GRIN2B: variants seen among roughly 807,000 people sequenced by gnomAD.
GRIN2B encodes glutamate ionotropic receptor NMDA type subunit 2B.
A neutral mutation model predicts 114.5 loss-of-function variants in GRIN2B; 5 were observed. The ratio of observed to expected loss-of-function variants is 0.04; its 90% confidence interval spans 0.02 to 0.09. GRIN2B has a LOEUF of 0.09. Ranked by LOEUF, GRIN2B falls within the 10% of genes least tolerant of loss-of-function variation. The probability of loss-of-function intolerance (pLI) is 1.00; values close to 1 mark genes in which losing one functional copy is unlikely to be tolerated. For synonymous variants in GRIN2B, 787 were observed against 745.1 expected, an observed-to-expected ratio of 1.06 and a Z score of -0.92; for missense variants, 1,108 against 1,943.5, an observed-to-expected ratio of 0.57 and a Z score of 8.08.
intron 2 of GRIN2B, among the ~76,000 whole-genome samples, chr12:13,970,086 C>T (rs567537549): frequency 6.6e-5 from 10 of 152,314 alleles, no homozygotes; most frequent in African/African-American, 2.2e-4. Flanking sequence ...CTCCTGACCT[C>T]TTGATCCACC....
chr12:13,842,363 C>G (rs1865393109), intron 3 of GRIN2B, among the ~76,000 whole-genome samples: 1 of 152,176 alleles, frequency 6.6e-6, no homozygotes, highest in South Asian at 2.1e-4. Context: ...GAGATAAGCC[C>G]TTAAAATGTC....
At chr12:13,843,447 C>A (rs571982128) in intron 3 of GRIN2B, among the ~76,000 whole-genome samples, 1 of 152,070 alleles carries the variant, frequency 6.6e-6, no homozygotes, top group South Asian at 2.1e-4. Flanking sequence ...TTCCATGAGG[C>A]CAAATCAGAA....
At chr12:13,664,274 A>G (rs955323386) in intron 5 of GRIN2B, among the ~76,000 whole-genome samples, 3 of 152,120 alleles carry the variant, frequency 2.0e-5, no homozygotes. Context: ...AGGGAAAAGG[A>G]AGGGAAGGTG....
chr12:13,864,890 C>T (rs926151038), intron 3 of GRIN2B, among the ~76,000 whole-genome samples: 8 of 152,190 alleles, frequency 5.3e-5, no homozygotes, highest in Non-Finnish European at 1.2e-4. Context: ...AGGGGTGGGA[C>T]TCAGGCATCA....
At chr12:13,628,124 A>G (rs964347390) in intron 5 of GRIN2B, among the ~76,000 whole-genome samples, 2 of 152,232 alleles carry the variant, frequency 1.3e-5, no homozygotes, top group Admixed American at 6.5e-5. Context: ...CAGGCATGTC[A>G]TAATAATGTC....
chr12:13,817,291 C>G (rs1034977131), intron 3 of GRIN2B, among the ~76,000 whole-genome samples: 8 of 152,026 alleles, frequency 5.3e-5, no homozygotes, highest in African/African-American at 1.9e-4. Context: ...CAGAATCTGC[C>G]TCCACAGCAT....
chr12:13,932,173 C>T lies in GRIN2B; in HGVS notation c.-19+47755G>A, dbSNP rs146533205. Among the ~76,000 whole-genome samples the T allele has an allele frequency of 1.4e-4, 21 of 152,260 alleles. No homozygotes were observed. In the East Asian group the frequency reaches 2.7e-3, roughly 20 times the overall value. ...CATTCCAATCACATTGACTGTCTAG[C>T]TACTGCTCAAACATACCAAACTCGC... is the stretch of plus-strand genomic sequence containing the variant. On this transcript the variant is annotated intron_variant, in intron 2 of 13. Coordinates refer to ENST00000609686, the MANE Select transcript of GRIN2B (RefSeq NM_000834.5).
At chr12:13,803,585 T>TA (rs766987610) in intron 3 of GRIN2B, among the ~76,000 whole-genome samples, 19 of 152,160 alleles carry the variant, frequency 1.2e-4, no homozygotes, top group Non-Finnish European at 2.2e-4. Flanking sequence ...ACTATAATGT[T>TA]AAAAAAGAAG....
intron 2 of GRIN2B, among the ~76,000 whole-genome samples, chr12:13,875,807 T>C (rs945456540): frequency 2.0e-5 from 3 of 152,236 alleles, no homozygotes; most frequent in South Asian, 4.1e-4. Context: ...AGATAACTAC[T>C]GCCTTCACAG....
At chr12:13,587,690 A>G (rs1355064646) in intron 10 of GRIN2B, among the ~76,000 whole-genome samples, 1 of 152,172 alleles carries the variant, frequency 6.6e-6, no homozygotes, top group African/African-American at 2.4e-5. Flanking sequence ...TTTATGTCGG[A>G]AAAACATATT....
intron 1 of GRIN2B, among the ~76,000 whole-genome samples, chr12:13,980,939 C>T (rs1229528540): frequency 6.7e-6 from 1 of 149,320 alleles, no homozygotes; most frequent in Non-Finnish European, 1.5e-5. Flanking sequence ...CGCGCGCACT[C>T]ACACTCACCC....
At chr12:13,915,521 C>G (rs1200123354) in intron 2 of GRIN2B, among the ~76,000 whole-genome samples, 1 of 152,206 alleles carries the variant, frequency 6.6e-6, no homozygotes, top group Non-Finnish European at 1.5e-5. Flanking sequence ...CTCCAGGCCC[C>G]TTGTAACAAC....
intron 5 of GRIN2B, among the ~76,000 whole-genome samples, chr12:13,671,885 G>T (rs530086679): frequency 2.0e-5 from 3 of 152,248 alleles, no homozygotes; most frequent in African/African-American, 7.2e-5. Flanking sequence ...GTGTGAAGAG[G>T]CAGGCAATAA....
chr12:13,712,243 G>C (rs1002619996), intron 4 of GRIN2B, among the ~76,000 whole-genome samples: 2 of 123,828 alleles, frequency 1.6e-5, no homozygotes, highest in South Asian at 2.5e-4. Context: ...GTGGGGGGAA[G>C]GGGGAGGGAT....
chr12:13,801,213 C>T (rs540975649), intron 3 of GRIN2B, among the ~76,000 whole-genome samples: 2 of 152,254 alleles, frequency 1.3e-5, no homozygotes, highest in South Asian at 2.1e-4. Context: ...GATCATTAAG[C>T]GCACTATGTG....
At chr12:13,853,116 T>C (rs1697522322) in intron 3 of GRIN2B, among the ~76,000 whole-genome samples, 1 of 152,210 alleles carries the variant, frequency 6.6e-6, no homozygotes, top group African/African-American at 2.4e-5. Flanking sequence ...CTCTGCGGCC[T>C]TCCCTGACAA....
intron 3 of GRIN2B, among the ~76,000 whole-genome samples, chr12:13,850,677 T>C (rs1865545997): frequency 1.3e-5 from 2 of 152,184 alleles, no homozygotes; most frequent in Admixed American, 1.3e-4. Flanking sequence ...AAGTCAACTT[T>C]GCCAGGCTCC....
At chr12:13,766,557 C>T (rs1479818704) in intron 3 of GRIN2B, among the ~76,000 whole-genome samples, 16 of 152,170 alleles carry the variant, frequency 1.1e-4, no homozygotes, top group Admixed American at 1.0e-3. Flanking sequence ...AATGGGCATA[C>T]CATAGAGTAT....
intron 2 of GRIN2B, among the ~76,000 whole-genome samples, chr12:13,905,174 G>A (rs550342643): frequency 8.7e-4 from 133 of 152,046 alleles, no homozygotes; most frequent in South Asian, 3.5e-3. Flanking sequence ...TTATTTCTTC[G>A]GATATATTTT....
Sources: allele counts gnomAD v4.1 joint callset (sites outside exome capture counted in the v4.1 genomes callset), GRCh38; gene constraint gnomAD v4.1.1; transcripts MANE v1.5; gene names NCBI Gene and HGNC (gene_info 2026-07-23, HGNC 2026-07-21).